OPCML: variants seen among roughly 807,000 people sequenced by gnomAD.
The protein encoded by OPCML is opioid binding protein/cell adhesion molecule like, also known as opioid-binding protein/cell adhesion molecule.
OPCML carries 13 observed loss-of-function variants against 37.8 expected under a neutral mutation model. The observed-to-expected ratio is 0.34, with a 90% CI of 0.22 to 0.55. The LOEUF (loss-of-function observed/expected upper bound fraction) is 0.55. OPCML is among the 20% of genes least tolerant of loss of function. The pLI is 0.91. For synonymous variants in OPCML, 176 were observed against 168.8 expected, an observed-to-expected ratio of 1.04 and a Z score of -0.33; for missense variants, 341 against 435.6, an observed-to-expected ratio of 0.78 and a Z score of 1.93.
intron 4 of OPCML, among the ~76,000 whole-genome samples, chr11:132,477,207 A>G (rs557437773): frequency 6.6e-6 from 1 of 152,280 alleles, no homozygotes; most frequent in African/African-American, 2.4e-5. Context: ...TCTTGAAGCC[A>G]AGTCCCCATA....
Position 132,657,322 on chromosome 11 carries a change from G to T in OPCML, c.147-3C>A. 6.2e-7 allele frequency: 1 copy of T among 1,614,078 alleles called. No individual in the cohort carries two copies. The highest frequency in any genetic ancestry group is 8.5e-7 in the Non-Finnish European group (1 of 1,179,920). The stretch of plus-strand genomic sequence containing the variant: ...TTACCCGGTCATCTATGGTACACCT[G>T]CAGTGAGGCAGGGAGTGGTGGAGGG... On this transcript the variant is annotated splice_region_variant and splice_polypyrimidine_tract_variant and intron_variant, in intron 2 of 7. Transcript: ENST00000524381.
chr11:133,306,957 G>C (rs927606176), intron 1 of OPCML, among the ~76,000 whole-genome samples: 1 of 152,120 alleles, frequency 6.6e-6, no homozygotes, highest in Non-Finnish European at 1.5e-5. Flanking sequence ...TATCTGTGTG[G>C]TTAGTAGATA....
intron 2 of OPCML, among the ~76,000 whole-genome samples, chr11:132,871,522 G>C (rs900514131): frequency 6.6e-6 from 1 of 152,208 alleles, no homozygotes; most frequent in Non-Finnish European, 1.5e-5. Flanking sequence ...TTATAAGAGA[G>C]ACTTGAGCAT....
intron 3 of OPCML, among the ~76,000 whole-genome samples, chr11:132,610,473 A>G (rs1044899250): frequency 3.3e-5 from 5 of 152,174 alleles, no homozygotes; most frequent in Non-Finnish European, 5.9e-5. Context: ...AGGGGTTGAA[A>G]CCATGGCAAA....
chr11:133,008,368 TC>T, intron 1 of OPCML: 1 of 985,404 alleles, frequency 1.0e-6, no homozygotes, highest in Non-Finnish European at 1.2e-6. Flanking sequence ...TCCTTCAAAA[TC>T]AGAGCACAAT....
At chr11:132,771,898 C>A (rs992751717) in intron 2 of OPCML, 5 of 152,198 alleles carry the variant, frequency 3.3e-5, no homozygotes, top group Non-Finnish European at 7.3e-5. Context: ...GGAGCTAACG[C>A]GGCCTCTTCT....
intron 1 of OPCML, among the ~76,000 whole-genome samples, chr11:133,111,760 G>C (rs1049509506): frequency 5.3e-5 from 8 of 152,168 alleles, no homozygotes; most frequent in South Asian, 2.1e-4. Context: ...GTTGTTTGTA[G>C]GTGGGAGGAG....
At chr11:132,894,752 C>G (rs77301136) in intron 2 of OPCML, among the ~76,000 whole-genome samples, 6,037 of 152,242 alleles carry the variant, frequency 0.04, 156 homozygotes, top group African/African-American at 0.063. Context: ...ACACTCTTAT[C>G]CTGCCCTTGG....
At chr11:132,464,701 T>C (rs1168686376) in intron 4 of OPCML, among the ~76,000 whole-genome samples, 2 of 152,136 alleles carry the variant, frequency 1.3e-5, no homozygotes, top group African/African-American at 2.4e-5. Context: ...CCACGCAGAG[T>C]AAGCCCCTCT....
chr11:133,337,420 G>A (rs974324510), intron 1 of OPCML, among the ~76,000 whole-genome samples: 2 of 152,120 alleles, frequency 1.3e-5, no homozygotes, highest in African/African-American at 4.8e-5. Flanking sequence ...GGGGAACCAC[G>A]GACTTCCATG....
chr11:132,824,674 TC>T (rs1240006793), intron 2 of OPCML, among the ~76,000 whole-genome samples: 1 of 152,222 alleles, frequency 6.6e-6, no homozygotes, highest in Non-Finnish European at 1.5e-5. Flanking sequence ...GTTCACACAT[TC>T]CCCACCCAGC....
At chr11:133,172,453 G>T (rs1950300809) in intron 1 of OPCML, among the ~76,000 whole-genome samples, 1 of 152,176 alleles carries the variant, frequency 6.6e-6, no homozygotes, top group South Asian at 2.1e-4. Flanking sequence ...TAAAATAAGA[G>T]AAGACAGTGT....
At chr11:133,493,456 C>CT (rs997060721) in intron 1 of OPCML, among the ~76,000 whole-genome samples, 9 of 152,144 alleles carry the variant, frequency 5.9e-5, no homozygotes, top group African/African-American at 7.2e-5. Flanking sequence ...TACATGCATA[C>CT]TTTTTTTTAC....
intron 1 of OPCML, among the ~76,000 whole-genome samples, chr11:132,983,890 G>C (rs1946638282): frequency 2.0e-5 from 3 of 152,256 alleles, no homozygotes; most frequent in South Asian, 2.1e-4. Context: ...ATTAAAGAAG[G>C]CACTAAGTAA....
rs528648275 is a variant in OPCML, at chr11:132,955,822, G to A, written c.62-12812C>T. ...GCTTGAACCCGGGGAGGCAGAGGTT[G>A]CAGTGAGCCGAGATCGCACCATTGC... On this transcript the variant is annotated intron_variant, in intron 1 of 7. Transcript: ENST00000524381. Among the ~76,000 whole-genome samples the A allele has an allele frequency of 2.4e-3, 368 of 152,278 alleles. 1 individual carries two copies. The highest frequency in any genetic ancestry group is 4.4e-3 in the Non-Finnish European group (299 of 68,026).
At chr11:132,423,958 G>A (rs1416457693) in intron 7 of OPCML, among the ~76,000 whole-genome samples, 2 of 152,236 alleles carry the variant, frequency 1.3e-5, no homozygotes, top group Non-Finnish European at 1.5e-5. Flanking sequence ...GCATGGCCTC[G>A]GCTGGTAACA....
rs1003005106 is a variant in OPCML at position 133,177,991 on chromosome 11, T to A, written c.62-234981A>T. ...GCAATCCCAAGGTTTAAGGCAGAATTATGATAGTTTTGTCAATACACATAT... is the reference window on the plus strand; with the variant it reads ...GCAATCCCAAGGTTTAAGGCAGAATAATGATAGTTTTGTCAATACACATAT... On this transcript the variant is annotated intron_variant, in intron 1 of 7. Coordinates refer to ENST00000524381, the MANE Select transcript of OPCML (RefSeq NM_001012393.5). This position sits in a 1 kb window ranked among gnomAD's most constrained non-coding sequence, Gnocchi z 5.0. Among the ~76,000 whole-genome samples, 3 of 152,170 alleles carry A rather than the reference T, an allele frequency of 2.0e-5. No individual in the cohort carries two copies. Among genetic ancestry groups the A allele is most frequent in the African/African-American group, 7.2e-5 (3 of 41,438 alleles).
At chr11:132,880,269 C>T (rs1294173088) in intron 2 of OPCML, among the ~76,000 whole-genome samples, 2 of 152,138 alleles carry the variant, frequency 1.3e-5, no homozygotes, top group Non-Finnish European at 2.9e-5. Flanking sequence ...CAAACGTCTG[C>T]CATGCTGACA....
intron 2 of OPCML, among the ~76,000 whole-genome samples, chr11:132,837,702 T>C (rs1055238648): frequency 6.6e-6 from 1 of 152,080 alleles, no homozygotes; most frequent in Non-Finnish European, 1.5e-5. Context: ...CAGGAAAGAC[T>C]CCACAGAGGA....
Sources: gnomAD v4.1 joint callset for allele counts (sites outside exome capture counted in the v4.1 genomes callset) on GRCh38, gnomAD v4.1.1 for gene constraint, Gnocchi (gnomAD v3.1) non-coding constraint, MANE v1.5 for transcripts, NCBI Gene and HGNC (gene_info 2026-07-23, HGNC 2026-07-21) for gene names.